Variants in TFDP1 observed in about 807,000 individuals in gnomAD.
TFDP1 encodes DRTF1-polypeptide 1.
TFDP1 carries 6 observed loss-of-function variants against 48.0 expected under a neutral mutation model. That is an observed-to-expected ratio of 0.13 (90% CI 0.07 to 0.25). The LOEUF is 0.25. Ranked by LOEUF, TFDP1 falls within the 10% of genes least tolerant of loss-of-function variation. TFDP1 has a pLI of 1.00. For missense variants in TFDP1, 335 were observed against 543.0 expected, an observed-to-expected ratio of 0.62 and a Z score of 3.81; for synonymous variants, 201 against 211.6, an observed-to-expected ratio of 0.95 and a Z score of 0.44.
chr13:113,613,168 C>T (rs970780171), intron 3 of TFDP1, among the ~76,000 whole-genome samples: 5 of 152,190 alleles, frequency 3.3e-5, no homozygotes, highest in African/African-American at 4.8e-5. Context: ...AGGTGCCCAC[C>T]ACCATATCCA....
At chr13:113,626,450 C>T (rs974264060) in intron 4 of TFDP1, among the ~76,000 whole-genome samples, 1 of 152,150 alleles carries the variant, frequency 6.6e-6, no homozygotes, top group Admixed American at 6.5e-5. Context: ...TGGGTCACAG[C>T]CTTGAGGATC....
chr13:113,632,973 C>A, intron 5 of TFDP1, 147 bp from the exon 6 acceptor site: 1 of 920,100 alleles, frequency 1.1e-6, no homozygotes, highest in Non-Finnish European at 1.6e-6. Flanking sequence ...GGGGTCCTGG[C>A]CTGCTCACGT....
At chr13:113,637,585 A>AG in intron 10 of TFDP1, 1 of 1,516,570 alleles carries the variant, frequency 6.6e-7, no homozygotes, top group Non-Finnish European at 8.8e-7. Context: ...CAGTGTGTGC[A>AG]GGTATTTATT....
chr13:113,602,642 TC>T (rs2048466938), intron 2 of TFDP1, among the ~76,000 whole-genome samples: 1 of 152,222 alleles, frequency 6.6e-6, no homozygotes. Context: ...TTAAGATTGT[TC>T]CTTGACACTT....
chr13:113,605,983 C>T (rs547536360), intron 2 of TFDP1, among the ~76,000 whole-genome samples: 191 of 134,254 alleles, frequency 1.4e-3, no homozygotes, highest in African/African-American at 5.0e-3. Flanking sequence ...TGTGGGAAGG[C>T]GGCGTGGTGG....
At chr13:113,610,405 C>T (rs117919818) in intron 2 of TFDP1, among the ~76,000 whole-genome samples, 371 of 148,810 alleles carry the variant, frequency 2.5e-3, no homozygotes, top group African/African-American at 8.1e-3. Flanking sequence ...TGCCATCATA[C>T]GTGCCCCCAC....
At chr13:113,600,555 A>T (rs199941300) in intron 2 of TFDP1, among the ~76,000 whole-genome samples, 1 of 144,490 alleles carries the variant, frequency 6.9e-6, no homozygotes, top group Admixed American at 6.9e-5. Context: ...CAGGACCGCG[A>T]TAGAGAACTC....
chr13:113,617,894 C>T (rs117211755), intron 3 of TFDP1, among the ~76,000 whole-genome samples: 2,441 of 152,272 alleles, frequency 0.016, 52 homozygotes, highest in Admixed American at 0.048. Flanking sequence ...ATGATAAAAA[C>T]GTGAATACTA....
intron 9 of TFDP1, 90 bp from the exon 10 acceptor site, chr13:113,636,444 G>A (rs956393371): frequency 4.8e-5 from 68 of 1,418,378 alleles, no homozygotes; most frequent in Middle Eastern, 2.5e-4. Flanking sequence ...TGTGTGTGGC[G>A]GTCAGCGGGT....
intron 4 of TFDP1, among the ~76,000 whole-genome samples, chr13:113,626,412 G>A (rs761449650): frequency 6.6e-6 from 1 of 152,154 alleles, no homozygotes; most frequent in African/African-American, 2.4e-5. Flanking sequence ...CAGATGTTAG[G>A]ATATGAGTTT....
chr13:113,594,030 A>G (rs1290360665), intron 2 of TFDP1, among the ~76,000 whole-genome samples: 2 of 115,830 alleles, frequency 1.7e-5, no homozygotes, highest in South Asian at 3.0e-4. Flanking sequence ...TGCTGTGTGC[A>G]GGTCCTCACC....
intron 4 of TFDP1, among the ~76,000 whole-genome samples, chr13:113,630,887 C>G (rs2049316937): frequency 1.3e-5 from 2 of 152,192 alleles, no homozygotes; most frequent in South Asian, 4.1e-4. Flanking sequence ...TCAGTGTCCA[C>G]ACTGGCGTTG....
At chr13:113,612,721 T>A (rs1328567704) in intron 3 of TFDP1, among the ~76,000 whole-genome samples, 1 of 152,238 alleles carries the variant, frequency 6.6e-6, no homozygotes, top group East Asian at 1.9e-4. Flanking sequence ...TCCTTTTCCA[T>A]TCTTACTCAC....
Position 113,624,127 on chromosome 13 carries a change from C to G in TFDP1, c.186+841C>G, listed in dbSNP as rs544464942. 4.6e-4 allele frequency among the ~76,000 whole-genome samples: 70 copies of G among 152,258 alleles called. 1 individual carries two copies. In the South Asian group the frequency reaches 0.013, roughly 29 times the overall value. On this transcript the variant is annotated intron_variant, in intron 4 of 11. Coordinates refer to ENST00000375370, the MANE Select transcript of TFDP1 (RefSeq NM_007111.5). ...CTGTGGCCCCGCCTGGGCAGCTGCCCCAGCCCTGTTCCTGCCAACCCTGGG... is the reference window on the plus strand; with the variant it reads ...CTGTGGCCCCGCCTGGGCAGCTGCCGCAGCCCTGTTCCTGCCAACCCTGGG...
At position 113,627,406 on chromosome 13, in the gene TFDP1, C is replaced by A. The variant is rs1323138071; in HGVS notation, c.186+4120C>A. On this transcript the variant is annotated intron_variant, in intron 4 of 11. Coordinates refer to ENST00000375370, the MANE Select transcript of TFDP1 (RefSeq NM_007111.5). This position sits in a 1 kb window ranked among gnomAD's most constrained non-coding sequence, Gnocchi z 4.1. Reference sequence around the variant, plus strand: ...GGGAGAAGCAGCCCCCCACCCAGGCCTGTGTCCCAGAAGTCGGCATCTGTG... The same window carrying A: ...GGGAGAAGCAGCCCCCCACCCAGGCATGTGTCCCAGAAGTCGGCATCTGTG... Among the ~76,000 whole-genome samples, 6 of 152,190 alleles carry A rather than the reference C, an allele frequency of 3.9e-5. No homozygotes were observed. The highest frequency in any genetic ancestry group is 8.8e-5 in the Non-Finnish European group (6 of 68,040).
intron 3 of TFDP1, among the ~76,000 whole-genome samples, chr13:113,622,023 GCTGT>G (rs1200837990): frequency 6.6e-6 from 1 of 152,216 alleles, no homozygotes; most frequent in Non-Finnish European, 1.5e-5. Context: ...AATGGCGTAA[GCTGT>G]CTTTCTCTTT....
chr13:113,624,491 CCTCAGGTGTCT>C (rs2049073329), intron 4 of TFDP1, among the ~76,000 whole-genome samples: 1 of 145,840 alleles, frequency 6.9e-6, no homozygotes, highest in Non-Finnish European at 1.5e-5. Context: ...TCTCAGGTGT[CCTCAGGTGTCT>C]CTCAGGGTGT....
At chr13:113,624,751 A>G (rs79531266) in intron 4 of TFDP1, among the ~76,000 whole-genome samples, 100 of 89,322 alleles carry the variant, frequency 1.1e-3, no homozygotes, top group African/African-American at 2.3e-3. Flanking sequence ...GTCTCTCAGG[A>G]TATCTCTCAC....
At chr13:113,626,111 C>G (rs1009476427) in intron 4 of TFDP1, among the ~76,000 whole-genome samples, 2 of 144,090 alleles carry the variant, frequency 1.4e-5, no homozygotes, top group African/African-American at 5.8e-5. Context: ...GTGTCTCTCA[C>G]GTGTCCTCAG....
Sources: allele counts gnomAD v4.1 joint callset (sites outside exome capture counted in the v4.1 genomes callset), GRCh38; gene constraint gnomAD v4.1.1; non-coding constraint Gnocchi (gnomAD v3.1); transcripts MANE v1.5; gene names NCBI Gene and HGNC (gene_info 2026-07-23, HGNC 2026-07-21).